Variants in SAMD12 observed in about 807,000 individuals in gnomAD.
SAMD12 encodes the protein sterile alpha motif domain-containing protein 12.
In SAMD12, 9 loss-of-function variants were observed where a neutral mutation model predicts 15.0. The ratio of observed to expected loss-of-function variants is 0.60; its 90% CI spans 0.36 to 1.05. SAMD12 has a LOEUF of 1.05. SAMD12 is among the 50% of genes least tolerant of loss of function. The probability of loss-of-function intolerance (pLI) is 0.01; values close to 1 mark genes in which losing one functional copy is unlikely to be tolerated. For missense variants in SAMD12, 230 were observed against 234.2 expected (o/e 0.98, Z 0.12); for synonymous variants, 86 against 90.1 (o/e 0.96, Z 0.25).
chr8:118,302,062 C>T (rs533448241), intron 4 of SAMD12, among the ~76,000 whole-genome samples: 287 of 128,570 alleles, frequency 2.2e-3, no homozygotes, highest in Middle Eastern at 3.9e-3. Flanking sequence ...CATTTTCTAG[C>T]GCCAGATCTT....
At chr8:118,203,576 CTTTTT>C (rs201311132) in intron 4 of SAMD12, among the ~76,000 whole-genome samples, 1 of 152,078 alleles carries the variant, frequency 6.6e-6, no homozygotes, top group East Asian at 1.9e-4. Context: ...ATTTTCTTTT[CTTTTT>C]TTAATTCTAT....
At chr8:118,245,429 C>T (rs1483673754) in intron 4 of SAMD12, among the ~76,000 whole-genome samples, 1 of 152,096 alleles carries the variant, frequency 6.6e-6, no homozygotes, top group East Asian at 1.9e-4. Context: ...ACAATTTGGC[C>T]ATAAACTGTC....
intron 2 of SAMD12, among the ~76,000 whole-genome samples, chr8:118,450,608 T>G (rs941230006): frequency 1.3e-4 from 20 of 152,330 alleles, no homozygotes; most frequent in Admixed American, 4.6e-4. Context: ...ATCATCATCA[T>G]GTCATTTCTA....
At chr8:118,182,116 T>G in the SAMD12 span, among the ~76,000 whole-genome samples, 1 of 152,194 alleles carries the variant, frequency 6.6e-6, no homozygotes, top group Non-Finnish European at 1.5e-5. Flanking sequence ...TTGCATATGC[T>G]GCAGGGAAAG....
intron 4 of SAMD12, among the ~76,000 whole-genome samples, chr8:118,329,079 C>T (rs1255916152): frequency 6.6e-6 from 1 of 152,094 alleles, no homozygotes; most frequent in African/African-American, 2.4e-5. Flanking sequence ...GAGTGCAGCA[C>T]AGTTGTTTGC....
the SAMD12 span, among the ~76,000 whole-genome samples, chr8:118,135,803 C>T: frequency 6.6e-6 from 1 of 152,080 alleles, no homozygotes; most frequent in Admixed American, 6.5e-5. Context: ...GCTGCCTTGG[C>T]CTTCCAAAGT....
intron 4 of SAMD12, among the ~76,000 whole-genome samples, chr8:118,325,643 A>G (rs932376581): frequency 6.6e-6 from 1 of 152,184 alleles, no homozygotes; most frequent in Admixed American, 6.5e-5. Flanking sequence ...TATTAACTAT[A>G]GTTATGATGC....
intron 3 of SAMD12, chr8:118,400,582 A>G (rs1820822419): frequency 6.6e-6 from 1 of 152,264 alleles, no homozygotes; most frequent in Non-Finnish European, 1.5e-5. Flanking sequence ...ATAAAGTTAC[A>G]GAGAATTGTA....
In SAMD12 at chr8:118,401,850, A is replaced by G. The variant is rs1820886281; in HGVS notation, c.323-22150T>C. On this transcript the variant is annotated intron_variant, in intron 3 of 3. Transcript: ENST00000314727. ...AAATATCTACTAAATGTGCTTCTGT[A>G]TTTAACCTTGAGATTTTATTTTCAG... Among the ~76,000 whole-genome samples the G allele has an allele frequency of 2.6e-5, 4 of 152,218 alleles. No homozygotes were observed. The South Asian group carries it at 8.3e-4, about 31-fold the overall frequency.
intron 1 of SAMD12, among the ~76,000 whole-genome samples, chr8:118,613,563 T>C (rs1465834567): frequency 1.3e-5 from 2 of 152,222 alleles, no homozygotes; most frequent in African/African-American, 4.8e-5. Context: ...AGCATCTCTT[T>C]TCACTAAAGA....
chr8:118,156,648 G>A, the SAMD12 span, among the ~76,000 whole-genome samples: 8 of 152,016 alleles, frequency 5.3e-5, no homozygotes, highest in Non-Finnish European at 1.0e-4. Context: ...AGTGTTCAAC[G>A]GGCATCTATT....
intron 4 of SAMD12, among the ~76,000 whole-genome samples, chr8:118,298,602 T>C (rs1814852409): frequency 6.6e-6 from 1 of 152,166 alleles, no homozygotes; most frequent in Non-Finnish European, 1.5e-5. Flanking sequence ...TTTTGAATTG[T>C]TTACACACTT....
At chr8:118,412,245 G>A (rs1350412729) in intron 3 of SAMD12, among the ~76,000 whole-genome samples, 2 of 152,138 alleles carry the variant, frequency 1.3e-5, no homozygotes, top group Admixed American at 6.5e-5. Context: ...TATGTTGGAG[G>A]ACAGATAGTT....
intron 2 of SAMD12, among the ~76,000 whole-genome samples, chr8:118,515,299 TAA>T (rs1011758314): frequency 6.6e-6 from 1 of 150,480 alleles, no homozygotes; most frequent in Non-Finnish European, 1.5e-5. Flanking sequence ...TCCCAATGTT[TAA>T]AAGTTTTTAG....
exon 5 of SAMD12, chr8:118,194,580 C>T (rs1050581689): frequency 2.6e-5 from 4 of 152,136 alleles, no homozygotes; most frequent in Non-Finnish European, 5.9e-5. Flanking sequence ...GGGTGTCAGC[C>T]TTTTAATAAA....
intron 3 of SAMD12, among the ~76,000 whole-genome samples, chr8:118,419,884 T>C (rs1290155323): frequency 1.3e-5 from 2 of 152,222 alleles, no homozygotes; most frequent in East Asian, 3.8e-4. Flanking sequence ...GGAATTCTAA[T>C]GTCCTCCTGT....
the SAMD12 span, among the ~76,000 whole-genome samples, chr8:118,150,232 T>A: frequency 6.6e-6 from 1 of 152,250 alleles, no homozygotes; most frequent in African/African-American, 2.4e-5. Context: ...ATATACATCT[T>A]TAACTCATCA....
At chr8:118,620,417 A>G (rs1056519958) in intron 1 of SAMD12, among the ~76,000 whole-genome samples, 1 of 151,580 alleles carries the variant, frequency 6.6e-6, no homozygotes, top group African/African-American at 2.4e-5. Context: ...AAAAAAAAAA[A>G]AAAAAAAAGA....
chr8:118,587,666 T>C lies in SAMD12; in HGVS notation c.14-6773A>G, dbSNP rs530993850. On this transcript the variant is annotated intron_variant, in intron 1 of 3. Coordinates refer to ENST00000314727, the MANE Select transcript of SAMD12 (RefSeq NM_207506.3). Reference sequence around the variant, plus strand: ...TGATATCTAGAACTGCTACAGTACATGCTGTGACCACAGGGCTACAAAGAT... The same window carrying C: ...TGATATCTAGAACTGCTACAGTACACGCTGTGACCACAGGGCTACAAAGAT... Among the ~76,000 whole-genome samples the C allele has an allele frequency of 2.0e-5, 3 of 152,346 alleles. No individual in the cohort carries two copies. In the East Asian group the frequency reaches 5.8e-4, roughly 29 times the overall value.
Sources: gnomAD v4.1 joint callset for allele counts (sites outside exome capture counted in the v4.1 genomes callset) on GRCh38, gnomAD v4.1.1 for gene constraint, MANE v1.5 for transcripts, NCBI Gene and HGNC (gene_info 2026-07-23, HGNC 2026-07-21) for gene names.